The following KIF1B variants were observed in gnomAD, a reference collection of about 807,000 sequenced individuals.
The protein encoded by KIF1B is kinesin-like protein KIF1B.
In KIF1B, 76 loss-of-function variants were observed where a neutral mutation model predicts 241.9. The ratio of observed to expected loss-of-function variants is 0.31; its 90% CI spans 0.26 to 0.38. The LOEUF (loss-of-function observed/expected upper bound fraction) is 0.38, where lower values mean the gene tolerates loss of function less well. KIF1B is among the 10% of genes least tolerant of loss of function. The pLI is 1.00. For synonymous variants in KIF1B, 750 were observed against 796.7 expected (o/e 0.94, Z 0.99); for missense variants, 1,622 against 2,271.4 (o/e 0.71, Z 5.81).
rs994535614 is a variant in KIF1B, at chr1:10,294,793, G to A, written c.1591-293G>A. ...TGAGGCAGGAGAATCACTTGAACCT[G>A]GAAGGCAGAGGTTGCAGTGAGTCAA... is the stretch of plus-strand genomic sequence containing the variant. On this transcript the variant is annotated intron_variant, in intron 17 of 48. Coordinates refer to ENST00000676179, the MANE Select transcript of KIF1B (RefSeq NM_001365951.3). Among the ~76,000 whole-genome samples the A allele has an allele frequency of 1.1e-4, 17 of 152,246 alleles. No individual in the cohort carries two copies. The East Asian group carries it at 2.9e-3, about 26-fold the overall frequency.
At chr1:10,231,507 C>T (rs546226359) in intron 1 of KIF1B, among the ~76,000 whole-genome samples, 1 of 151,578 alleles carries the variant, frequency 6.6e-6, no homozygotes, top group East Asian at 2.0e-4. Context: ...CTGCCTCAGC[C>T]TCCCTAGTAG....
chr1:10,232,130 T>G (rs1194895526), intron 1 of KIF1B, 120 bp from the exon 2 acceptor site: 1 of 552,030 alleles, frequency 1.8e-6, no homozygotes, highest in African/African-American at 1.9e-5. Flanking sequence ...AGAAAAGGGA[T>G]GAATATCGTT....
rs182630347 is a variant in KIF1B, at chr1:10,295,595, G to A, written c.1671-65G>A. 153 of 1,371,390 alleles carry A rather than the reference G, an allele frequency of 1.1e-4. 1 individual carries two copies. In the African/African-American group the frequency reaches 1.9e-3, roughly 17 times the overall value. 85.0% of individuals were successfully genotyped at this position (1,371,390 alleles called of 1,614,324 possible). Reference sequence around the variant, plus strand: ...CAAAGGATATTCTTTGGAATAAAGAGGTTCATTGTTTGTAGTGCTTTCTGT... The same window carrying A: ...CAAAGGATATTCTTTGGAATAAAGAAGTTCATTGTTTGTAGTGCTTTCTGT... On this transcript the variant is annotated intron_variant, in intron 18 of 48. Coordinates refer to ENST00000676179, the MANE Select transcript of KIF1B (RefSeq NM_001365951.3).
intron 22 of KIF1B, chr1:10,305,656 T>G: frequency 9.5e-7 from 1 of 1,056,838 alleles, no homozygotes; most frequent in Non-Finnish European, 1.1e-6. Context: ...AACTATTCTT[T>G]GGTTAGCATT....
At chr1:10,261,558 GA>G (rs1223232963) in intron 4 of KIF1B, among the ~76,000 whole-genome samples, 3 of 151,664 alleles carry the variant, frequency 2.0e-5, no homozygotes, top group Non-Finnish European at 4.4e-5. Flanking sequence ...TTTAATTTTT[GA>G]AAAAAAATTT....
At chr1:10,248,756 G>A (rs375215946) in intron 2 of KIF1B, among the ~76,000 whole-genome samples, 1 of 151,972 alleles carries the variant, frequency 6.6e-6, no homozygotes, top group Admixed American at 6.6e-5. Context: ...TGGTGGTGGG[G>A]AGAAGCCATA....
At chr1:10,300,337 G>A (rs1329517601) in intron 22 of KIF1B, among the ~76,000 whole-genome samples, 2 of 151,098 alleles carry the variant, frequency 1.3e-5, no homozygotes, top group Admixed American at 1.3e-4. Context: ...TTTGCATACA[G>A]TTTTTAGTAT....
chr1:10,253,039 TAAAC>T (rs1647555975), intron 2 of KIF1B, among the ~76,000 whole-genome samples: 1 of 152,148 alleles, frequency 6.6e-6, no homozygotes, highest in Non-Finnish European at 1.5e-5. Flanking sequence ...AAGAGAATTT[TAAAC>T]AATGCCTACA....
At chr1:10,212,884 GTGTGTGTATATA>G (rs1557638219) in intron 1 of KIF1B, among the ~76,000 whole-genome samples, 8 of 72,310 alleles carry the variant, frequency 1.1e-4, no homozygotes, top group African/African-American at 4.5e-4. Context: ...GTGTGCATGC[GTGTGTGTATATA>G]TATATATATA....
At chr1:10,350,000 A>G (rs1569875091) in intron 37 of KIF1B, among the ~76,000 whole-genome samples, 1 of 152,236 alleles carries the variant, frequency 6.6e-6, no homozygotes, top group Non-Finnish European at 1.5e-5. Flanking sequence ...AATGAAAAAG[A>G]TATCTTGTGT....
intron 2 of KIF1B, among the ~76,000 whole-genome samples, chr1:10,238,731 AACAAC>A (rs767489122): frequency 1.4e-4 from 22 of 152,052 alleles, no homozygotes; most frequent in Non-Finnish European, 2.2e-4. Flanking sequence ...CAACAACAAC[AACAAC>A]AAAAAACACC....
At position 10,275,507 on chromosome 1, in the gene KIF1B, T is replaced by C; in HGVS notation, c.958+4T>C. ...TGGCTCCTTCGAGAAAATTTAGGTA[T>C]GTTGACCACTAGTGAAAAGTAGTTA... On this transcript the variant is annotated splice_donor_region_variant and intron_variant, in intron 11 of 48. Transcript: ENST00000676179. The C allele has an allele frequency of 2.1e-6, 3 of 1,462,296 alleles. No homozygotes were observed. The highest frequency in any genetic ancestry group is 1.4e-5 in the African/African-American group (1 of 71,910). 90.6% of individuals were successfully genotyped at this position (1,462,296 alleles called of 1,614,324 possible). A position where few individuals can be genotyped will look rare whatever the true frequency, so the allele number is the denominator to read the frequency against.
chr1:10,258,783 C>A, intron 4 of KIF1B, 111 bp downstream of exon 4: 1 of 1,105,800 alleles, frequency 9.0e-7, no homozygotes, highest in Non-Finnish European at 1.3e-6. Flanking sequence ...TGTTTTATGT[C>A]AGGCACAAAG....
At chr1:10,218,184 G>C (rs1026186672) in intron 1 of KIF1B, among the ~76,000 whole-genome samples, 1 of 152,122 alleles carries the variant, frequency 6.6e-6, no homozygotes, top group Non-Finnish European at 1.5e-5. Context: ...GCTGGCTTCA[G>C]TGTCCCCTCC....
chr1:10,267,440 G>A lies in KIF1B; in HGVS notation c.490G>A (p.Gly164Ser). The change falls in exon 6 of 49, where the codon GGT (glycine) becomes AGT (serine). Residue 164 changes from glycine to serine, a missense_variant. Around this residue, in one of 7 missense-constraint regions of KIF1B, gnomAD observed 156 missense variants for 244.8 expected, o/e 0.64. Transcript: ENST00000676179. Reference protein sequence around the residue: ...VRDLLNPKNKGNLRVREHPLL... With the variant: ...VRDLLNPKNKSNLRVREHPLL... ...AGATTTGCTGAATCCAAAAAACAAG[G>A]GTAATTTGCGTGTGCGTGAACACCC... is the stretch of plus-strand genomic sequence containing the variant. 3.7e-6 allele frequency: 6 copies of A among 1,614,180 alleles called. No homozygotes were observed. Among genetic ancestry groups the A allele is most frequent in the Non-Finnish European group, 5.1e-6 (6 of 1,180,022 alleles).
At position 10,292,071 on chromosome 1, in the gene KIF1B, A is replaced by T. The variant is rs757451919; in HGVS notation, c.1539A>T (p.Gly513=). The stretch of plus-strand genomic sequence containing the variant: ...GAGAGGCTTTGTTGGCTGAGATGGG[A>T]GTTGCCATTCGGGAAGATGGAGGAA... ...MEREALLAEM[G]VAIREDGGTL... is the part of the protein sequence containing the mutation. Residue 513 remains glycine (G), a synonymous_variant, in exon 17 of 49, where the codon GGA becomes GGT. Coordinates refer to ENST00000676179, the MANE Select transcript of KIF1B (RefSeq NM_001365951.3). 16 of 1,613,764 alleles carry T rather than the reference A, an allele frequency of 9.9e-6. No homozygotes were observed. Among genetic ancestry groups the T allele is most frequent in the Non-Finnish European group, 1.4e-5 (16 of 1,179,954 alleles).
chr1:10,267,707 G>A, intron 6 of KIF1B, 149 bp downstream of exon 6: 1 of 715,964 alleles, frequency 1.4e-6, no homozygotes, highest in Non-Finnish European at 2.5e-6. Flanking sequence ...GTAACAGTGA[G>A]GGCTTCAGAG....
intron 22 of KIF1B, 25 bp downstream of exon 22, chr1:10,297,271 T>G: frequency 6.2e-7 from 1 of 1,604,306 alleles, no homozygotes; most frequent in Non-Finnish European, 8.5e-7. Context: ...TCTGCTAAAC[T>G]GTTGGGAAAA....
At position 10,326,773 on chromosome 1, in the gene KIF1B, G is replaced by A. The variant is rs756621541; in HGVS notation, c.2924+414G>A. 1.8e-4 allele frequency among the ~76,000 whole-genome samples: 28 copies of A among 152,146 alleles called. No homozygotes were observed. The highest frequency in any genetic ancestry group is 1.2e-3 in the Admixed American group (18 of 15,258). On this transcript the variant is annotated intron_variant, in intron 27 of 48. Transcript: ENST00000676179. The surrounding 1 kb of genome is among the most constrained non-coding windows in gnomAD (Gnocchi z 5.2). ...AAGCATATGGAGGTAACATGAGAGA[G>A]GGGGCAGAGTGAGGCCAAGGTTTGG...
Sources: gnomAD v4.1 joint callset for allele counts (sites outside exome capture counted in the v4.1 genomes callset) on GRCh38, gnomAD v4.1.1 for gene constraint, gnomAD v4.1.1 regional missense constraint, Gnocchi (gnomAD v3.1) non-coding constraint, MANE v1.5 for transcripts, NCBI Gene and HGNC (gene_info 2026-07-23, HGNC 2026-07-21) for gene names.